WDR26: variants seen among roughly 807,000 people sequenced by gnomAD.
The protein encoded by WDR26 is WD repeat-containing protein 26.
In WDR26, 5 loss-of-function variants were observed where a neutral mutation model predicts 84.1. The observed-to-expected ratio is 0.06, with a 90% CI of 0.03 to 0.13. The LOEUF is 0.13. Ranked by LOEUF, WDR26 falls within the 10% of genes least tolerant of loss-of-function variation. The pLI is 1.00. For synonymous variants in WDR26, 415 were observed against 389.6 expected (o/e 1.07, Z -0.77); for missense variants, 642 against 974.9 (o/e 0.66, Z 4.55).
chr1:224,434,684 T>G lies in WDR26; in HGVS notation c.-279A>C, dbSNP rs1222655420. ...CCGCCGCTGGGCTGAGCCCCGGCAG[T>G]GGCTGCGGCGGCGGCGGCGGCGGGC... On this transcript the variant is annotated 5_prime_UTR_variant, in exon 1 of 14. Coordinates refer to ENST00000414423, the MANE Select transcript of WDR26 (RefSeq NM_001379403.1). 1 of 875,856 alleles carries G rather than the reference T, an allele frequency of 1.1e-6. No individual in the cohort carries two copies. The highest frequency in any genetic ancestry group is 1.4e-6 in the Non-Finnish European group (1 of 732,686). The allele number at this position is 875,856 out of a possible 1,614,324, so 54.3% of individuals were successfully genotyped here.
rs1558417987 is a variant in WDR26, at chr1:224,398,249, ATATT to A, written c.1945-27_1945-24del. On this transcript the variant is annotated intron_variant, in intron 11 of 13. Coordinates refer to ENST00000414423, the MANE Select transcript of WDR26 (RefSeq NM_001379403.1). Reference sequence around the variant, plus strand: ...TCCCTGCAGGCAAAGGAGAATACAGATATTTAATCTGCCTCAACTCAAACAAATT... The same window carrying A: ...TCCCTGCAGGCAAAGGAGAATACAGATAATCTGCCTCAACTCAAACAAATT... The A allele has an allele frequency of 1.9e-6, 3 of 1,601,622 alleles. 1 individual carries two copies. The South Asian group carries it at 3.4e-5, about 18-fold the overall frequency.
chr1:224,425,257 A>G (rs1674176335), intron 3 of WDR26, among the ~76,000 whole-genome samples: 1 of 152,246 alleles, frequency 6.6e-6, no homozygotes. Context: ...TGAATTTCCT[A>G]CAACTAACGT....
At chr1:224,404,338 GTTATA>G (rs1444309290) in intron 8 of WDR26, 87 bp downstream of exon 8, 7 of 1,428,662 alleles carry the variant, frequency 4.9e-6, no homozygotes, top group Non-Finnish European at 6.5e-6. Context: ...AGGTTGAATG[GTTATA>G]TTATATAAAT....
At chr1:224,427,103 CCAAAAAAAA>C (rs1011176646) in intron 3 of WDR26, among the ~76,000 whole-genome samples, 3 of 91,166 alleles carry the variant, frequency 3.3e-5, no homozygotes, top group African/African-American at 1.3e-4. Flanking sequence ...AACTCTGTCT[CCAAAAAAAA>C]AAAAAAAAAA....
At chr1:224,420,426 T>C (rs1178812855) in intron 4 of WDR26, among the ~76,000 whole-genome samples, 1 of 152,216 alleles carries the variant, frequency 6.6e-6, no homozygotes, top group Non-Finnish European at 1.5e-5. Flanking sequence ...TCTCCTGCTA[T>C]TCTGTCTCAT....
chr1:224,415,453 C>CT lies in WDR26; in HGVS notation c.1319+2806dup, dbSNP rs149995544. ...ACAATTCTGGAACACGTATTTCTTT[C>CT]TTTTTTTTTTTTTTTTTTTTTTTTT... On this transcript the variant is annotated intron_variant, in intron 6 of 13. Transcript: ENST00000414423. 5.0e-4 allele frequency among the ~76,000 whole-genome samples: 41 copies of CT among 82,306 alleles called. 2 individuals carry two copies. Among genetic ancestry groups the CT allele is most frequent in the East Asian group, 1.1e-3 (2 of 1,864 alleles). The allele number at this position is 82,306 out of a possible 152,430, so 54.0% of individuals were successfully genotyped here. A position where few individuals can be genotyped will look rare whatever the true frequency, so the allele number is the denominator to read the frequency against.
chr1:224,394,019 C>T lies in WDR26; in HGVS notation c.2075-6G>A, dbSNP rs1298155987. 1.4e-6 allele frequency: 2 copies of T among 1,443,352 alleles called. No individual in the cohort carries two copies. Among genetic ancestry groups the T allele is most frequent in the Non-Finnish European group, 1.9e-6 (2 of 1,080,498 alleles). 89.4% of individuals were successfully genotyped at this position (1,443,352 alleles called of 1,614,324 possible). On this transcript the variant is annotated splice_region_variant and splice_polypyrimidine_tract_variant and intron_variant, in intron 12 of 13. Transcript: ENST00000414423. The stretch of plus-strand genomic sequence containing the variant: ...CCAGATGTAAACCTTGTGATCTGAA[C>T]ATATAGTAATTCAGAAAAAAGTTTT...
intron 9 of WDR26, among the ~76,000 whole-genome samples, chr1:224,400,407 C>A (rs779245221): frequency 3.3e-5 from 5 of 150,838 alleles, no homozygotes; most frequent in African/African-American, 4.9e-5. Flanking sequence ...TTTTTTTGTT[C>A]TACTAAATCC....
At chr1:224,403,407 T>C (rs760285525) in intron 8 of WDR26, among the ~76,000 whole-genome samples, 46 of 152,162 alleles carry the variant, frequency 3.0e-4, no homozygotes, top group Admixed American at 3.9e-4. Flanking sequence ...ATGTTAACAA[T>C]TGTTGAATTT....
chr1:224,434,347 G>T lies in WDR26; in HGVS notation c.59C>A (p.Thr20Asn). 8.1e-7 allele frequency: 1 copy of T among 1,227,810 alleles called. No individual in the cohort carries two copies. The highest frequency in any genetic ancestry group is 1.0e-6 in the Non-Finnish European group (1 of 985,836). 76.1% of individuals were successfully genotyped at this position (1,227,810 alleles called of 1,614,324 possible). Residue 20 changes from threonine to asparagine, a missense_variant, in exon 1 of 14, where the codon ACC becomes AAC. Around this residue, in one of 2 missense-constraint regions of WDR26, gnomAD observed 291 missense variants for 302.1 expected, o/e 0.96. Coordinates refer to ENST00000414423, the MANE Select transcript of WDR26 (RefSeq NM_001379403.1). The stretch of plus-strand genomic sequence containing the variant: ...CCGCGGGGGCGGGGAGGCTCCGCCG[G>T]TGTCCGAGTCGGAGGAGGAGGAAGC...
intron 7 of WDR26, among the ~76,000 whole-genome samples, chr1:224,409,493 T>C (rs1017392823): frequency 2.0e-5 from 3 of 152,208 alleles, no homozygotes; most frequent in Non-Finnish European, 4.4e-5. Context: ...ATGTATCTTA[T>C]TTACCTTTCA....
At position 224,393,893 on chromosome 1, in the gene WDR26, G is replaced by T; in HGVS notation, c.2195C>A (p.Ala732Asp). ...TATTCTAACAGTGCCATCATCTGAGGCGCTGGCCATCATGGATGGAATCTG... is the reference window on the plus strand; with the variant it reads ...TATTCTAACAGTGCCATCATCTGAGTCGCTGGCCATCATGGATGGAATCTG... Residue 732 changes from alanine to aspartate, a missense_variant, in exon 13 of 14, where the codon GCC becomes GAC. This residue lies in a region of WDR26 where 351 missense variants were observed against 672.8 expected (regional missense o/e 0.52). Transcript: ENST00000414423. The T allele has an allele frequency of 6.3e-7, 1 of 1,593,592 alleles. No individual in the cohort carries two copies. Among genetic ancestry groups the T allele is most frequent in the Non-Finnish European group, 8.6e-7 (1 of 1,163,914 alleles).
chr1:224,409,762 C>T lies in WDR26; in HGVS notation c.1458+1665G>A, dbSNP rs556673106. 7.9e-5 allele frequency among the ~76,000 whole-genome samples: 12 copies of T among 151,688 alleles called. No individual in the cohort carries two copies. The East Asian group carries it at 2.3e-3, about 29-fold the overall frequency. On this transcript the variant is annotated intron_variant, in intron 7 of 13. Transcript: ENST00000414423. ...CCTGTAGTCCCAGCTAGTTGGGAGGCTGAGGCATAAGAATCTCTTGAACCT... is the reference window on the plus strand; with the variant it reads ...CCTGTAGTCCCAGCTAGTTGGGAGGTTGAGGCATAAGAATCTCTTGAACCT...
chr1:224,412,189 A>G lies in WDR26; in HGVS notation c.1320-624T>C, dbSNP rs553880563. Among the ~76,000 whole-genome samples, 7 of 152,326 alleles carry G rather than the reference A, an allele frequency of 4.6e-5. 1 individual carries two copies. The East Asian group carries it at 1.3e-3, about 29-fold the overall frequency. ...GAATTCTTGTAAGAATTAGAAATACATTTAAAATTTCTGGAATGTAAGAGA... is the reference window on the plus strand; with the variant it reads ...GAATTCTTGTAAGAATTAGAAATACGTTTAAAATTTCTGGAATGTAAGAGA... On this transcript the variant is annotated intron_variant, in intron 6 of 13. Coordinates refer to ENST00000414423, the MANE Select transcript of WDR26 (RefSeq NM_001379403.1).
At chr1:224,432,761 C>G (rs1443498130) in intron 1 of WDR26, among the ~76,000 whole-genome samples, 1 of 152,180 alleles carries the variant, frequency 6.6e-6, no homozygotes, top group Non-Finnish European at 1.5e-5. Context: ...AAACTGACTG[C>G]TGCTGCACGT....
intron 1 of WDR26, among the ~76,000 whole-genome samples, chr1:224,433,018 CTG>C (rs1276415079): frequency 2.0e-5 from 3 of 152,206 alleles, no homozygotes; most frequent in Admixed American, 1.3e-4. Context: ...TGGTATTAAA[CTG>C]AGATTTCAGA....
intron 4 of WDR26, among the ~76,000 whole-genome samples, chr1:224,423,165 A>C (rs901580201): frequency 2.2e-4 from 33 of 152,128 alleles, no homozygotes; most frequent in African/African-American, 7.5e-4. Flanking sequence ...GGATTCCTTA[A>C]ATTTTCTTTA....
chr1:224,421,116 G>A (rs1246922434), intron 4 of WDR26, among the ~76,000 whole-genome samples: 1 of 152,162 alleles, frequency 6.6e-6, no homozygotes, highest in Non-Finnish European at 1.5e-5. Context: ...ACATTGGACT[G>A]AGAAGGAGAA....
chr1:224,422,719 A>AC (rs1371606144), intron 4 of WDR26, among the ~76,000 whole-genome samples: 1 of 151,806 alleles, frequency 6.6e-6, no homozygotes, highest in African/African-American at 2.4e-5. Context: ...TGTCTCAAAA[A>AC]AAAAAAAGGA....
Sources: gnomAD v4.1 joint callset for allele counts (sites outside exome capture counted in the v4.1 genomes callset) on GRCh38, gnomAD v4.1.1 for gene constraint, gnomAD v4.1.1 regional missense constraint, MANE v1.5 for transcripts, NCBI Gene and HGNC (gene_info 2026-07-23, HGNC 2026-07-21) for gene names.